The following USH2A variants were observed in gnomAD, a reference collection of about 807,000 sequenced individuals.
The protein encoded by USH2A is usherin.
In USH2A, 443 loss-of-function variants were observed where a neutral mutation model predicts 538.9. The ratio of observed to expected loss-of-function variants is 0.82; its 90% CI spans 0.76 to 0.89. The LOEUF (loss-of-function observed/expected upper bound fraction) is 0.89, where lower values mean the gene tolerates loss of function less well. Among genes scored for constraint, USH2A ranks in the 40% least tolerant of loss-of-function variants. The pLI is 0.00. For missense variants in USH2A, 6,633 were observed against 6,324.8 expected (o/e 1.05, Z -1.65); for synonymous variants, 2,413 against 2,273.5 (o/e 1.06, Z -1.75).
chr1:216,024,793 A>G (rs1363585808), intron 32 of USH2A, among the ~76,000 whole-genome samples: 1 of 151,942 alleles, frequency 6.6e-6, no homozygotes, highest in East Asian at 1.9e-4. Context: ...TGAATTATAC[A>G]CTGTTCTGGG....
chr1:216,092,218 T>C (rs973444487), intron 22 of USH2A, among the ~76,000 whole-genome samples: 1 of 152,162 alleles, frequency 6.6e-6, no homozygotes, highest in African/African-American at 2.4e-5. Flanking sequence ...GCATCTACTA[T>C]GTTCCAAAGA....
chr1:216,367,543 C>G (rs2038622864), intron 3 of USH2A, among the ~76,000 whole-genome samples: 1 of 152,068 alleles, frequency 6.6e-6, no homozygotes, highest in African/African-American at 2.4e-5. Flanking sequence ...TCTTTTTTAT[C>G]AACTCATCAC....
At chr1:216,390,313 A>C (rs988338048) in intron 3 of USH2A, among the ~76,000 whole-genome samples, 9 of 152,170 alleles carry the variant, frequency 5.9e-5, no homozygotes, top group Non-Finnish European at 1.3e-4. Flanking sequence ...AGAGCAGGAG[A>C]TTTAGGCTCA....
intron 9 of USH2A, among the ~76,000 whole-genome samples, chr1:216,311,707 G>A (rs1442740690): frequency 6.6e-6 from 1 of 152,060 alleles, no homozygotes; most frequent in Non-Finnish European, 1.5e-5. Context: ...CGGGAGAACC[G>A]CAGGTGGAGC....
intron 21 of USH2A, among the ~76,000 whole-genome samples, chr1:216,152,137 C>T (rs1275237353): frequency 2.0e-5 from 3 of 152,096 alleles, no homozygotes; most frequent in Non-Finnish European, 4.4e-5. Flanking sequence ...CATACCACCC[C>T]CCAAAAATTT....
chr1:215,831,930 C>A (rs145138202), intron 47 of USH2A, among the ~76,000 whole-genome samples: 1 of 151,728 alleles, frequency 6.6e-6, no homozygotes, highest in Non-Finnish European at 1.5e-5. Context: ...AACAGAAAAA[C>A]GGGGGCACTT....
At chr1:216,293,226 C>G (rs2037040033) in intron 9 of USH2A, among the ~76,000 whole-genome samples, 1 of 151,922 alleles carries the variant, frequency 6.6e-6, no homozygotes, top group African/African-American at 2.4e-5. Flanking sequence ...GGGTTTCACC[C>G]TGTTAGCCAG....
At chr1:215,795,839 T>C (rs1427634561) in intron 50 of USH2A, among the ~76,000 whole-genome samples, 1 of 152,216 alleles carries the variant, frequency 6.6e-6, no homozygotes, top group African/African-American at 2.4e-5. Context: ...AGGATCCTTT[T>C]ATACGCTTAC....
intron 15 of USH2A, among the ~76,000 whole-genome samples, chr1:216,211,343 C>A (rs1018507554): frequency 7.2e-5 from 11 of 152,212 alleles, no homozygotes; most frequent in Admixed American, 6.5e-4. Flanking sequence ...GGGACTGACC[C>A]CTCACCCGTG....
Position 216,423,240 on chromosome 1 carries a change from C to G in USH2A, c.-231G>C, listed in dbSNP as rs181752176. ...ATTTCTTTATTGCATTTCAACCAGT[C>G]CCCTCAGTGTGACAAATGGCTCTTC... On this transcript the variant is annotated 5_prime_UTR_variant, in exon 1 of 72. Coordinates refer to ENST00000307340, the MANE Select transcript of USH2A (RefSeq NM_206933.4). 97 of 152,286 alleles carry G rather than the reference C, an allele frequency of 6.4e-4. No individual in the cohort carries two copies. The highest frequency in any genetic ancestry group is 2.3e-3 in the African/African-American group (96 of 41,572). 9.4% of individuals were successfully genotyped at this position (152,286 alleles called of 1,614,324 possible). A position where few individuals can be genotyped will look rare whatever the true frequency, so the allele number is the denominator to read the frequency against.
At chr1:215,842,136 C>G (rs1175791250) in intron 46 of USH2A, among the ~76,000 whole-genome samples, 1 of 152,118 alleles carries the variant, frequency 6.6e-6, no homozygotes, top group African/African-American at 2.4e-5. Flanking sequence ...CCAGCCTGGT[C>G]AACATGGTGA....
intron 21 of USH2A, among the ~76,000 whole-genome samples, chr1:216,147,520 C>G (rs1237458479): frequency 1.3e-5 from 2 of 152,246 alleles, no homozygotes; most frequent in African/African-American, 4.8e-5. Context: ...AACACTGAGA[C>G]ACTTTACAGC....
intron 38 of USH2A, among the ~76,000 whole-genome samples, chr1:215,906,391 A>C (rs1423292594): frequency 6.6e-6 from 1 of 151,998 alleles, no homozygotes; most frequent in Non-Finnish European, 1.5e-5. Context: ...GCTCAGAGAG[A>C]AGTTAAATAT....
chr1:216,369,904 CAGAGTG>C (rs1329098149), intron 3 of USH2A, among the ~76,000 whole-genome samples: 1 of 123,458 alleles, frequency 8.1e-6, no homozygotes, highest in Non-Finnish European at 1.6e-5. Flanking sequence ...GCCTGGGTGA[CAGAGTG>C]AGACTCTGCC....
chr1:216,065,406 C>T (rs2031320542), intron 30 of USH2A, among the ~76,000 whole-genome samples: 1 of 152,124 alleles, frequency 6.6e-6, no homozygotes, highest in South Asian at 2.1e-4. Flanking sequence ...AAAAATCACA[C>T]ATAGAATATT....
chr1:216,188,830 C>A lies in USH2A; in HGVS notation c.4396+1393G>T, dbSNP rs368522634. On this transcript the variant is annotated intron_variant, in intron 20 of 71. Coordinates refer to ENST00000307340, the MANE Select transcript of USH2A (RefSeq NM_206933.4). ...ATGTGATTCCAGTTTTGCATGGCCA[C>A]GTGCTTGGGATCCCTATGTCCCCTA... Among the ~76,000 whole-genome samples, 15 of 152,052 alleles carry A rather than the reference C, an allele frequency of 9.9e-5. 1 individual carries two copies. The highest frequency in any genetic ancestry group is 3.9e-4 in the Admixed American group (6 of 15,236).
intron 40 of USH2A, among the ~76,000 whole-genome samples, chr1:215,897,705 G>A (rs12410843): frequency 0.14 from 18,931 of 138,216 alleles, 1,709 homozygotes; most frequent in African/African-American, 0.29. Flanking sequence ...TGAAGGAAAG[G>A]AAGAAAAGAA....
rs774440488 is a variant in USH2A, at chr1:215,629,038, G to A, written c.15298-3C>T. On this transcript the variant is annotated splice_polypyrimidine_tract_variant and splice_region_variant and intron_variant, in intron 70 of 71. Transcript: ENST00000307340. Reference sequence around the variant, plus strand: ...GGAATTTTGGTATCGGCTAACCCCTGAGAAGGAAGTTGCTGTGAGTATTTC... The same window carrying A: ...GGAATTTTGGTATCGGCTAACCCCTAAGAAGGAAGTTGCTGTGAGTATTTC... 6.2e-7 allele frequency: 1 copy of A among 1,612,644 alleles called. No individual in the cohort carries two copies. The highest frequency in any genetic ancestry group is 1.1e-5 in the South Asian group (1 of 90,994).
At chr1:216,106,557 T>C (rs1197152264) in intron 21 of USH2A, among the ~76,000 whole-genome samples, 2 of 151,406 alleles carry the variant, frequency 1.3e-5, no homozygotes, top group Non-Finnish European at 3.0e-5. Context: ...TTCCTCTCCT[T>C]TTCTCTCTCC....
Sources: gnomAD v4.1 joint callset for allele counts (sites outside exome capture counted in the v4.1 genomes callset) on GRCh38, gnomAD v4.1.1 for gene constraint, MANE v1.5 for transcripts, NCBI Gene and HGNC (gene_info 2026-07-23, HGNC 2026-07-21) for gene names.